Variants in ME3 observed in about 807,000 individuals in gnomAD.
The protein encoded by ME3 is NADP-dependent malic enzyme, mitochondrial.
ME3 carries 48 observed loss-of-function variants against 68.9 expected under a neutral mutation model. That is an observed-to-expected ratio of 0.70 (90% confidence interval 0.55 to 0.89). The LOEUF (loss-of-function observed/expected upper bound fraction) is 0.89, where lower values mean the gene tolerates loss of function less well. Among genes scored for constraint, ME3 ranks in the 40% least tolerant of loss-of-function variants. ME3 has a pLI of 0.00. For synonymous variants in ME3, 320 were observed against 318.8 expected, an observed-to-expected ratio of 1.00 and a Z score of -0.04; for missense variants, 675 against 797.4, an observed-to-expected ratio of 0.85 and a Z score of 1.85.
chr11:86,584,507 T>C (rs1279230659), intron 2 of ME3, among the ~76,000 whole-genome samples: 1 of 152,204 alleles, frequency 6.6e-6, no homozygotes, highest in East Asian at 1.9e-4. Flanking sequence ...CAAAGAGGTA[T>C]TAGCACTATT....
chr11:86,442,979 C>T, intron 13 of ME3, 60 bp from the exon 14 acceptor site: 1 of 1,392,170 alleles, frequency 7.2e-7, no homozygotes, highest in African/African-American at 1.4e-5. Context: ...CAAAACAAGC[C>T]CAACCCGTTA....
Position 86,441,450 on chromosome 11 carries a change from A to C in ME3, c.1654-10T>G. The C allele has an allele frequency of 1.3e-6, 2 of 1,574,002 alleles. No homozygotes were observed. The highest frequency in any genetic ancestry group is 1.7e-6 in the Non-Finnish European group (2 of 1,163,616). On this transcript the variant is annotated splice_polypyrimidine_tract_variant and intron_variant, in intron 14 of 14. Transcript: ENST00000543262. ...ACGCGTAGTCGAGAACCTAGAGAAAAACATGTTTGGCTAAGGAACCGGATC... is the reference window on the plus strand; with the variant it reads ...ACGCGTAGTCGAGAACCTAGAGAAACACATGTTTGGCTAAGGAACCGGATC...
At chr11:86,624,871 G>A (rs1328496365) in intron 2 of ME3, among the ~76,000 whole-genome samples, 1 of 152,174 alleles carries the variant, frequency 6.6e-6, no homozygotes, top group Non-Finnish European at 1.5e-5. Context: ...ACTTGGAGAA[G>A]AACAGTATTG....
At chr11:86,553,920 T>C (rs1042659081) in intron 4 of ME3, among the ~76,000 whole-genome samples, 3 of 151,552 alleles carry the variant, frequency 2.0e-5, no homozygotes, top group Non-Finnish European at 2.9e-5. Context: ...GTCTACACTT[T>C]GGTTCAGATT....
chr11:86,559,946 C>G (rs1264443336), intron 2 of ME3, 123 bp from the exon 3 acceptor site: 3 of 988,084 alleles, frequency 3.0e-6, no homozygotes, highest in African/African-American at 1.7e-5. Context: ...GCCCTCAACT[C>G]AAATTCCACC....
chr11:86,452,533 T>G (rs1301511258), intron 8 of ME3, among the ~76,000 whole-genome samples: 1 of 152,108 alleles, frequency 6.6e-6, no homozygotes, highest in Non-Finnish European at 1.5e-5. Context: ...CTCTACTGGG[T>G]AAAGAATCCC....
chr11:86,528,545 G>A (rs1401232401), intron 4 of ME3, among the ~76,000 whole-genome samples: 3 of 152,110 alleles, frequency 2.0e-5, no homozygotes, highest in South Asian at 2.1e-4. Flanking sequence ...CAAATCAACA[G>A]AATATACATT....
intron 6 of ME3, among the ~76,000 whole-genome samples, chr11:86,491,887 T>C (rs942238484): frequency 1.3e-5 from 2 of 152,258 alleles, no homozygotes; most frequent in African/African-American, 2.4e-5. Flanking sequence ...ATTGCTTCTC[T>C]GAAATTTAAA....
At position 86,535,428 on chromosome 11, in the gene ME3, A is replaced by C. The variant is rs929023099; in HGVS notation, c.467+21125T>G. Among the ~76,000 whole-genome samples, 5 of 152,196 alleles carry C rather than the reference A, an allele frequency of 3.3e-5. No individual in the cohort carries two copies. In the East Asian group the frequency reaches 9.6e-4, roughly 29 times the overall value. ...GTGATGAGGACTGGACATTATTATT[A>C]ATTTTCCAGAACCAAGGATTCTGGA... On this transcript the variant is annotated intron_variant, in intron 4 of 14. Coordinates refer to ENST00000543262, the Ensembl canonical transcript of ME3.
intron 2 of ME3, among the ~76,000 whole-genome samples, chr11:86,581,242 C>G (rs968300399): frequency 2.0e-5 from 3 of 152,064 alleles, no homozygotes; most frequent in Non-Finnish European, 4.4e-5. Flanking sequence ...ACACATGCAT[C>G]CATGTGTAAT....
intron 4 of ME3, among the ~76,000 whole-genome samples, chr11:86,544,183 A>T (rs1956223882): frequency 6.6e-6 from 1 of 152,232 alleles, no homozygotes; most frequent in African/African-American, 2.4e-5. Flanking sequence ...TATAGAACTA[A>T]ATGCCCACAT....
chr11:86,554,492 G>A (rs1199573322), intron 4 of ME3, among the ~76,000 whole-genome samples: 1 of 152,220 alleles, frequency 6.6e-6, no homozygotes, highest in East Asian at 1.9e-4. Flanking sequence ...ACATGCATAT[G>A]TATAATATGA....
rs925842133 is a variant in ME3, at chr11:86,575,633, G to A, written c.184-15810C>T. On this transcript the variant is annotated intron_variant, in intron 2 of 14. Transcript: ENST00000543262. ...AGGAGACAGAGATGAAGTGGATGACGTGCTCCCCCCCAGGTTGGGTGCAGT... is the reference window on the plus strand; with the variant it reads ...AGGAGACAGAGATGAAGTGGATGACATGCTCCCCCCCAGGTTGGGTGCAGT... Among the ~76,000 whole-genome samples, 11 of 117,976 alleles carry A rather than the reference G, an allele frequency of 9.3e-5. 2 individuals are homozygous for A. Among genetic ancestry groups the A allele is most frequent in the East Asian group, 7.7e-4 (4 of 5,190 alleles). The allele number at this position is 117,976 out of a possible 152,430, so 77.4% of individuals were successfully genotyped here.
At chr11:86,497,837 T>G in intron 6 of ME3, 126 bp downstream of exon 6, 1 of 1,126,114 alleles carries the variant, frequency 8.9e-7, no homozygotes, top group Non-Finnish European at 1.2e-6. Context: ...AATGCCCTGG[T>G]CGGGAGGATG....
intron 2 of ME3, among the ~76,000 whole-genome samples, chr11:86,620,110 C>T (rs1284476586): frequency 6.6e-6 from 1 of 152,158 alleles, no homozygotes; most frequent in East Asian, 1.9e-4. Context: ...CCTATTTTCC[C>T]TTAAATCTCT....
chr11:86,612,965 T>A (rs933927059), intron 2 of ME3, among the ~76,000 whole-genome samples: 2 of 152,226 alleles, frequency 1.3e-5, no homozygotes, highest in Non-Finnish European at 2.9e-5. Flanking sequence ...TTTGGTGTTT[T>A]AGTCATGAAG....
At chr11:86,517,299 G>A (rs1262318480) in intron 4 of ME3, among the ~76,000 whole-genome samples, 1 of 152,120 alleles carries the variant, frequency 6.6e-6, no homozygotes, top group East Asian at 1.9e-4. Context: ...CACATAACCT[G>A]TAGAGTTCCA....
At chr11:86,665,254 A>G (rs1243654994) in intron 2 of ME3, among the ~76,000 whole-genome samples, 1 of 152,228 alleles carries the variant, frequency 6.6e-6, no homozygotes, top group Non-Finnish European at 1.5e-5. Flanking sequence ...TAGATAGCAT[A>G]TGAGGAAGTG....
chr11:86,653,634 G>A (rs1945636238), intron 2 of ME3, among the ~76,000 whole-genome samples: 1 of 152,176 alleles, frequency 6.6e-6, no homozygotes, highest in Non-Finnish European at 1.5e-5. Context: ...ATGCCCACAA[G>A]AGAAAGCAAG....
Sources: gnomAD v4.1 joint callset for allele counts (sites outside exome capture counted in the v4.1 genomes callset) on GRCh38, gnomAD v4.1.1 for gene constraint, MANE v1.5 for transcripts, NCBI Gene and HGNC (gene_info 2026-07-23, HGNC 2026-07-21) for gene names.